Variants in KIF5B observed in about 807,000 individuals in gnomAD.
KIF5B encodes kinesin-1 heavy chain.
A neutral mutation model predicts 132.8 loss-of-function variants in KIF5B; 49 were observed. That is an observed-to-expected ratio of 0.37 (90% CI 0.29 to 0.47). The LOEUF is 0.47. Among genes scored for constraint, KIF5B ranks in the 20% least tolerant of loss-of-function variants. The pLI is 1.00. For synonymous variants in KIF5B, 355 were observed against 369.4 expected, an observed-to-expected ratio of 0.96 and a Z score of 0.45; for missense variants, 780 against 1,144.0, an observed-to-expected ratio of 0.68 and a Z score of 4.59.
In KIF5B at chr10:32,056,143, A is replaced by AGCCGGC; in HGVS notation, c.-176_-171dup. 1.4e-6 allele frequency: 1 copy of AGCCGGC among 704,808 alleles called. No individual in the cohort carries two copies. The highest frequency in any genetic ancestry group is 1.9e-5 in the South Asian group (1 of 52,046). 43.7% of individuals were successfully genotyped at this position (704,808 alleles called of 1,614,324 possible). A position where few individuals can be genotyped will look rare whatever the true frequency, so the allele number is the denominator to read the frequency against. On this transcript the variant is annotated 5_prime_UTR_variant, in exon 1 of 26. Coordinates refer to ENST00000302418, the MANE Select transcript of KIF5B (RefSeq NM_004521.3). ...GCGGCCGGGGAGCCGGGACTTGAAG[A>AGCCGGC]GCCGGCGCCGGCAGCCGTTAACCCT...
rs757825826 is a variant in KIF5B, at chr10:32,034,838, C to T, written c.963G>A (p.Arg321=). 1.3e-6 allele frequency: 2 copies of T among 1,569,102 alleles called. No individual in the cohort carries two copies. Residue 321 remains arginine (R), a splice_region_variant and synonymous_variant, in exon 11 of 26, where the codon AGG becomes AGA. Transcript: ENST00000302418. ...AAACTGTGTTCTTAATTGTTTTGGC[C>T]CTAAGAGATGTAATTGGAGGAAAAA... ...ETKSTLLFGQ[R]AKTIKNTVCV...
At chr10:32,016,246 C>T (rs1841160055) in intron 24 of KIF5B, among the ~76,000 whole-genome samples, 1 of 152,038 alleles carries the variant, frequency 6.6e-6, no homozygotes, top group African/African-American at 2.4e-5. Flanking sequence ...CATCTGAGGT[C>T]AGGAGTACGA....
chr10:32,034,066 A>T (rs370451711), intron 11 of KIF5B, 28 bp from the exon 12 acceptor site: 6 of 1,403,680 alleles, frequency 4.3e-6, no homozygotes, highest in African/African-American at 1.5e-5. Flanking sequence ...AGTGGTTAAT[A>T]AAAAAACGAC....
At chr10:32,035,773 T>C in intron 9 of KIF5B, 106 bp from the exon 10 acceptor site, 3 of 1,336,766 alleles carry the variant, frequency 2.2e-6, no homozygotes, top group Non-Finnish European at 3.1e-6. Context: ...TCAAACACAT[T>C]GAATCTCAAT....
At position 32,021,242 on chromosome 10, in the gene KIF5B, G is replaced by C; in HGVS notation, c.2078C>G (p.Thr693Ser). 1 of 1,613,048 alleles carries C rather than the reference G, an allele frequency of 6.2e-7. No homozygotes were observed. The highest frequency in any genetic ancestry group is 1.3e-5 in the African/African-American group (1 of 75,030). The change falls in exon 18 of 26, where the codon ACT becomes AGT. Residue 693 changes from threonine (T) to serine (S), a missense_variant. Physicochemically the swap from Thr to Ser is moderately conservative, Grantham distance 58. Coordinates refer to ENST00000302418, the MANE Select transcript of KIF5B (RefSeq NM_004521.3). ...MEKEHLNKVQ[T>S]ANEVKQAVEQ... ...CAAACTTGCCTTAACTTCATTTGCA[G>C]TCTGAACCTTATTTAAGTGCTCCTT...
chr10:32,049,842 C>T (rs1484221913), intron 1 of KIF5B, among the ~76,000 whole-genome samples: 1 of 151,858 alleles, frequency 6.6e-6, no homozygotes, highest in Non-Finnish European at 1.5e-5. Flanking sequence ...AAAAAGTACT[C>T]AATGACAAAG....
At chr10:32,032,674 T>C in intron 13 of KIF5B, 32 bp downstream of exon 13, 2 of 1,553,936 alleles carry the variant, frequency 1.3e-6, no homozygotes, top group Non-Finnish European at 1.8e-6. Flanking sequence ...ATAAAGCTTT[T>C]CTGGAAGCAA....
chr10:32,037,814 AGAGC>A (rs1254366054), intron 6 of KIF5B, among the ~76,000 whole-genome samples: 1 of 151,908 alleles, frequency 6.6e-6, no homozygotes, highest in Non-Finnish European at 1.5e-5. Context: ...CCTGAGCAAC[AGAGC>A]GAGCCTCCAT....
At chr10:32,034,592 G>T (rs1841441116) in intron 11 of KIF5B, 98 bp downstream of exon 11, 2 of 818,118 alleles carry the variant, frequency 2.4e-6, no homozygotes, top group African/African-American at 1.8e-5. Context: ...TAAATTTCTT[G>T]ATCTAGTCAC....
At chr10:32,015,781 G>C (rs1841151181) in intron 24 of KIF5B, 122 bp from the exon 25 acceptor site, 2 of 743,890 alleles carry the variant, frequency 2.7e-6, no homozygotes, top group South Asian at 3.9e-5. Flanking sequence ...TTGCCTTTTT[G>C]TTTCTCCATC....
At chr10:32,029,952 G>GAAA (rs1424322030) in intron 14 of KIF5B, among the ~76,000 whole-genome samples, 2 of 152,178 alleles carry the variant, frequency 1.3e-5, no homozygotes, top group African/African-American at 4.8e-5. Context: ...GGAACTCATA[G>GAAA]GGGCAGGAAA....
rs201482827 is a variant in KIF5B, at chr10:32,016,493, C to CA, written c.2761+649dup. ...AAAAAATAAATAAATAAATAAAACA[C>CA]AAAAAAAACACTTCCTGCACCAATT... On this transcript the variant is annotated intron_variant, in intron 24 of 25. Coordinates refer to ENST00000302418, the MANE Select transcript of KIF5B (RefSeq NM_004521.3). 6.0e-3 allele frequency among the ~76,000 whole-genome samples: 905 copies of CA among 151,648 alleles called. 4 individuals are homozygous for CA. Among genetic ancestry groups the CA allele is most frequent in the African/African-American group, 0.02 (815 of 41,396 alleles).
chr10:32,013,876 C>T (rs1457921094), intron 25 of KIF5B, among the ~76,000 whole-genome samples: 1 of 152,146 alleles, frequency 6.6e-6, no homozygotes, highest in Non-Finnish European at 1.5e-5. Context: ...TTCACTCTAC[C>T]ACTGTTTTAA....
chr10:32,015,493 G>A lies in KIF5B; in HGVS notation c.*20+16C>T, dbSNP rs754715270. On this transcript the variant is annotated intron_variant, in intron 25 of 25. Coordinates refer to ENST00000302418, the MANE Select transcript of KIF5B (RefSeq NM_004521.3). ...TTCCACAAACAGATATGAAAAGCCA[G>A]ATATAAATAACAAACCTGTGGGTAT... 2.0e-6 allele frequency: 3 copies of A among 1,502,062 alleles called. No individual in the cohort carries two copies. Among genetic ancestry groups the A allele is most frequent in the Non-Finnish European group, 2.7e-6 (3 of 1,121,182 alleles). The allele number at this position is 1,502,062 out of a possible 1,614,324, so 93.0% of individuals were successfully genotyped here. A position where few individuals can be genotyped will look rare whatever the true frequency, so the allele number is the denominator to read the frequency against.
At position 32,017,398 on chromosome 10, in the gene KIF5B, C is replaced by G. The variant is rs1207604997; in HGVS notation, c.2545-39G>C. 6 of 1,485,792 alleles carry G rather than the reference C, an allele frequency of 4.0e-6. No individual in the cohort carries two copies. The African/African-American group carries it at 8.4e-5, about 21-fold the overall frequency. The allele number at this position is 1,485,792 out of a possible 1,614,324, so 92.0% of individuals were successfully genotyped here. A position where few individuals can be genotyped will look rare whatever the true frequency, so the allele number is the denominator to read the frequency against. ...AAGAAAACAAGGATTCCAGATTTAACAGGATGACTTGAAAAAGTATGAGCA... is the reference window on the plus strand; with the variant it reads ...AAGAAAACAAGGATTCCAGATTTAAGAGGATGACTTGAAAAAGTATGAGCA... On this transcript the variant is annotated intron_variant, in intron 23 of 25. Coordinates refer to ENST00000302418, the MANE Select transcript of KIF5B (RefSeq NM_004521.3).
chr10:32,034,932 A>T, intron 10 of KIF5B, 94 bp from the exon 11 acceptor site: 1 of 905,106 alleles, frequency 1.1e-6, no homozygotes, highest in Non-Finnish European at 1.5e-6. Context: ...TAAGAAACTT[A>T]TGCTTGTCCA....
intron 2 of KIF5B, among the ~76,000 whole-genome samples, chr10:32,041,015 C>T (rs369412989): frequency 1.3e-3 from 200 of 148,406 alleles, no homozygotes; most frequent in African/African-American, 4.7e-3. Context: ...ATTAGCTGTA[C>T]GTGGCCTGTA....
At chr10:32,035,735 A>G in intron 9 of KIF5B, 68 bp from the exon 10 acceptor site, 3 of 1,471,762 alleles carry the variant, frequency 2.0e-6, no homozygotes, top group Non-Finnish European at 1.8e-6. Context: ...ATAAACTCCC[A>G]AAAGACAACT....
chr10:32,028,860 T>C (rs1333407752), intron 14 of KIF5B, among the ~76,000 whole-genome samples: 2 of 152,228 alleles, frequency 1.3e-5, no homozygotes, highest in South Asian at 2.1e-4. Context: ...TGTCTAAAAA[T>C]GGGAAGCCTC....
Sources: allele counts gnomAD v4.1 joint callset (sites outside exome capture counted in the v4.1 genomes callset), GRCh38; gene constraint gnomAD v4.1.1; transcripts MANE v1.5; gene names NCBI Gene and HGNC (gene_info 2026-07-23, HGNC 2026-07-21).